Variants in VPS36 observed in about 807,000 individuals in gnomAD.
The protein encoded by VPS36 is vacuolar protein-sorting-associated protein 36.
In VPS36, 31 loss-of-function variants were observed where a neutral mutation model predicts 63.5. That is an observed-to-expected ratio of 0.49 (90% CI 0.37 to 0.66). VPS36 has a LOEUF of 0.66. Among genes scored for constraint, VPS36 ranks in the 30% least tolerant of loss-of-function variants. The pLI is 0.00. For synonymous variants in VPS36, 138 were observed against 157.2 expected, an observed-to-expected ratio of 0.88 and a Z score of 0.91; for missense variants, 338 against 463.7, an observed-to-expected ratio of 0.73 and a Z score of 2.49.
chr13:52,435,218 G>A (rs1312973091), intron 4 of VPS36, among the ~76,000 whole-genome samples: 2 of 151,932 alleles, frequency 1.3e-5, no homozygotes, highest in African/African-American at 4.8e-5. Context: ...TGATCTGCCC[G>A]CCTCAGCCTC....
chr13:52,445,285 C>A (rs1250584952), intron 1 of VPS36, among the ~76,000 whole-genome samples: 1 of 152,188 alleles, frequency 6.6e-6, no homozygotes, highest in Non-Finnish European at 1.5e-5. Context: ...TTTTTTAAAT[C>A]TCTTCTTTGC....
At chr13:52,416,226 A>G (rs1204066291) in intron 12 of VPS36, 133 bp from the exon 13 acceptor site, 1 of 868,752 alleles carries the variant, frequency 1.2e-6, no homozygotes, top group African/African-American at 1.7e-5. Flanking sequence ...TCCTACTAAA[A>G]TCCAAAGAAC....
chr13:52,429,329 C>A (rs1365673872), intron 6 of VPS36: 1 of 982,458 alleles, frequency 1.0e-6, no homozygotes, highest in East Asian at 1.1e-4. Context: ...ATATTCCATT[C>A]CCTTTTCCTG....
chr13:52,447,472 A>G (rs1958356178), intron 1 of VPS36, among the ~76,000 whole-genome samples: 1 of 152,226 alleles, frequency 6.6e-6, no homozygotes, highest in Non-Finnish European at 1.5e-5. Flanking sequence ...GTGTCTGTGA[A>G]GTCAAACAAA....
At chr13:52,445,900 A>G (rs1197412071) in intron 1 of VPS36, among the ~76,000 whole-genome samples, 2 of 122,502 alleles carry the variant, frequency 1.6e-5, no homozygotes, top group Admixed American at 2.0e-4. Context: ...AGATCGCGCC[A>G]CTGCACTCCA....
Position 52,414,868 on chromosome 13 carries a change from T to C in VPS36, c.*962A>G, listed in dbSNP as rs903841047. Reference sequence around the variant, plus strand: ...ATGCAGTATTAGCCAGTTGTTGTTATCTCAGTAACATTTCTTACCGAAGTA... The same window carrying C: ...ATGCAGTATTAGCCAGTTGTTGTTACCTCAGTAACATTTCTTACCGAAGTA... On this transcript the variant is annotated 3_prime_UTR_variant, in exon 14 of 14. Coordinates refer to ENST00000378060, the MANE Select transcript of VPS36 (RefSeq NM_016075.4). 1 of 152,230 alleles carries C rather than the reference T, an allele frequency of 6.6e-6. No homozygotes were observed. The highest frequency in any genetic ancestry group is 1.5e-5 in the Non-Finnish European group (1 of 68,042). 9.4% of individuals were successfully genotyped at this position (152,230 alleles called of 1,614,324 possible).
intron 1 of VPS36, 76 bp from the exon 2 acceptor site, chr13:52,442,521 T>C (rs1344697875): frequency 1.6e-6 from 2 of 1,234,560 alleles, no homozygotes; most frequent in Non-Finnish European, 2.3e-6. Flanking sequence ...TCATGAATTA[T>C]ACCACACTAA....
chr13:52,446,064 C>T (rs888636569), intron 1 of VPS36, among the ~76,000 whole-genome samples: 1 of 143,678 alleles, frequency 7.0e-6, no homozygotes, highest in African/African-American at 2.6e-5. Context: ...GCCTGACCAA[C>T]ATGGTGAAAC....
At chr13:52,449,849 A>C in intron 1 of VPS36, 1 of 865,460 alleles carries the variant, frequency 1.2e-6, no homozygotes, top group Non-Finnish European at 1.4e-6. Context: ...AAACACGCTC[A>C]GAACGCCTTT....
Position 52,427,288 on chromosome 13 carries a change from C to T in VPS36, c.529-69G>A, listed in dbSNP as rs1476111275. 5 of 1,541,000 alleles carry T rather than the reference C, an allele frequency of 3.2e-6. No homozygotes were observed. The African/African-American group carries it at 5.5e-5, about 17-fold the overall frequency. ...TAAAATGACTTAAAAAAATGAAGCA[C>T]CCTCTATTTTTTCCCCATAAAAATT... On this transcript the variant is annotated intron_variant, in intron 6 of 13. Coordinates refer to ENST00000378060, the MANE Select transcript of VPS36 (RefSeq NM_016075.4).
At chr13:52,421,768 C>A (rs1370468018) in intron 10 of VPS36, among the ~76,000 whole-genome samples, 1 of 152,056 alleles carries the variant, frequency 6.6e-6, no homozygotes, top group Admixed American at 6.6e-5. Flanking sequence ...AGGTATTCTG[C>A]CCGCCTCAGC....
At chr13:52,447,873 C>G (rs941231273) in intron 1 of VPS36, among the ~76,000 whole-genome samples, 2 of 151,152 alleles carry the variant, frequency 1.3e-5, no homozygotes, top group African/African-American at 4.9e-5. Context: ...GCTCCATGAA[C>G]AAAGCACAGG....
At position 52,424,360 on chromosome 13, in the gene VPS36, T is replaced by A. The variant is rs906644639; in HGVS notation, c.775-721A>T. 1.3e-4 allele frequency among the ~76,000 whole-genome samples: 20 copies of A among 152,194 alleles called. 1 individual carries two copies. The South Asian group carries it at 2.1e-3, about 16-fold the overall frequency. On this transcript the variant is annotated intron_variant, in intron 9 of 13. Coordinates refer to ENST00000378060, the MANE Select transcript of VPS36 (RefSeq NM_016075.4). ...CAATGGCTGTTAACATCACAAAAAA[T>A]TTTTTAAAAATTAAAAAAAGACAAT...
At chr13:52,427,382 G>A (rs542257984) in intron 6 of VPS36, among the ~76,000 whole-genome samples, 163 bp from the exon 7 acceptor site, 1 of 152,328 alleles carries the variant, frequency 6.6e-6, no homozygotes, top group Non-Finnish European at 1.5e-5. Context: ...GAGGCAGGCA[G>A]ATCACGAGGT....
chr13:52,427,099 T>C (rs765433210), intron 7 of VPS36, 33 bp from the exon 8 acceptor site: 1 of 1,603,958 alleles, frequency 6.2e-7, no homozygotes, highest in East Asian at 2.2e-5. Context: ...TGAAAAGCAC[T>C]ATTGTCCCCA....
intron 6 of VPS36, among the ~76,000 whole-genome samples, chr13:52,428,025 T>A (rs1215098364): frequency 6.6e-6 from 1 of 152,164 alleles, no homozygotes; most frequent in Non-Finnish European, 1.5e-5. Flanking sequence ...AACAGTAAGT[T>A]TAGCAAGTAA....
Position 52,449,964 on chromosome 13 carries a change from C to T in VPS36, c.96+535G>A. 20 of 985,640 alleles carry T rather than the reference C, an allele frequency of 2.0e-5. No individual in the cohort carries two copies. In the South Asian group the frequency reaches 7.5e-4, roughly 37 times the overall value. The allele number at this position is 985,640 out of a possible 1,614,324, so 61.1% of individuals were successfully genotyped here. A position where few individuals can be genotyped will look rare whatever the true frequency, so the allele number is the denominator to read the frequency against. ...GAAATCCTTTCGAAGCAATCCCTCA[C>T]CCCTCTGCCCAGATATGCTAATCCC... On this transcript the variant is annotated intron_variant, in intron 1 of 13. Transcript: ENST00000378060.
chr13:52,422,351 C>T (rs115212899), intron 10 of VPS36, among the ~76,000 whole-genome samples: 194 of 152,148 alleles, frequency 1.3e-3, no homozygotes, highest in African/African-American at 4.2e-3. Flanking sequence ...TTTCTTTATC[C>T]GTTCATCACT....
intron 1 of VPS36, among the ~76,000 whole-genome samples, chr13:52,447,785 A>ATTT (rs11439849): frequency 6.2e-5 from 9 of 145,376 alleles, no homozygotes; most frequent in Non-Finnish European, 9.0e-5. Flanking sequence ...TTATGAAGTC[A>ATTT]TTTTTTTTTT....
Sources: allele counts gnomAD v4.1 joint callset (sites outside exome capture counted in the v4.1 genomes callset), GRCh38; gene constraint gnomAD v4.1.1; transcripts MANE v1.5; gene names NCBI Gene and HGNC (gene_info 2026-07-23, HGNC 2026-07-21).